The following DPP10 variants were observed in gnomAD, a reference collection of about 807,000 sequenced individuals.
The protein encoded by DPP10 is inactive dipeptidyl peptidase 10.
DPP10 carries 33 observed loss-of-function variants against 120.9 expected under a neutral mutation model. The ratio of observed to expected loss-of-function variants is 0.27; its 90% CI spans 0.21 to 0.37. The LOEUF (loss-of-function observed/expected upper bound fraction) is 0.37. Ranked by LOEUF, DPP10 falls within the 10% of genes least tolerant of loss-of-function variation. The pLI, the probability that DPP10 is intolerant of heterozygous loss-of-function variation, is 1.00. For missense variants in DPP10, 816 were observed against 942.8 expected (o/e 0.87, Z 1.76); for synonymous variants, 337 against 326.1 (o/e 1.03, Z -0.36).
At chr2:115,383,397 C>T (rs549276304) in intron 3 of DPP10, among the ~76,000 whole-genome samples, 35 of 152,308 alleles carry the variant, frequency 2.3e-4, no homozygotes, top group African/African-American at 7.5e-4. Context: ...TGAGTCCTCC[C>T]CAGCCATGTG....
intron 9 of DPP10, among the ~76,000 whole-genome samples, chr2:115,740,692 A>T (rs575559088): frequency 4.6e-4 from 70 of 152,232 alleles, no homozygotes; most frequent in African/African-American, 1.4e-3. Flanking sequence ...GGGTTGCAAA[A>T]ACATCTGGAT....
chr2:115,167,443 G>GA (rs2052973901), intron 1 of DPP10, among the ~76,000 whole-genome samples: 1 of 148,028 alleles, frequency 6.8e-6, no homozygotes, highest in Non-Finnish European at 1.5e-5. Context: ...AAAAAGAAAA[G>GA]AAAGAAAGAA....
At chr2:115,653,179 T>G (rs1238609384) in intron 5 of DPP10, among the ~76,000 whole-genome samples, 1 of 151,766 alleles carries the variant, frequency 6.6e-6, no homozygotes, top group African/African-American at 2.4e-5. Flanking sequence ...AGACAAAGTA[T>G]AAGAAGCATT....
chr2:114,560,250 G>A (rs1688661403), intron 1 of DPP10, among the ~76,000 whole-genome samples: 2 of 152,278 alleles, frequency 1.3e-5, no homozygotes, highest in East Asian at 1.9e-4. Flanking sequence ...GGGGCAGAGT[G>A]GAAGAGGAGA....
At chr2:115,235,963 TTA>T (rs2057982860) in intron 1 of DPP10, among the ~76,000 whole-genome samples, 9 of 152,154 alleles carry the variant, frequency 5.9e-5, no homozygotes, top group Non-Finnish European at 1.2e-4. Flanking sequence ...AACACTTAAA[TTA>T]CTCCCTAAGT....
intron 1 of DPP10, among the ~76,000 whole-genome samples, chr2:114,807,533 C>T (rs1386570421): frequency 1.3e-5 from 2 of 152,096 alleles, no homozygotes; most frequent in African/African-American, 4.8e-5. Context: ...ATGGTAATAA[C>T]TTCCTTATTT....
At chr2:114,643,952 T>TTGG (rs1695915426) in intron 1 of DPP10, among the ~76,000 whole-genome samples, 1 of 142,964 alleles carries the variant, frequency 7.0e-6, no homozygotes, top group African/African-American at 2.6e-5. Flanking sequence ...TTTTTTTTTT[T>TTGG]GAGACAGAGT....
chr2:115,416,012 C>G (rs1307421217), intron 3 of DPP10, among the ~76,000 whole-genome samples: 2 of 151,596 alleles, frequency 1.3e-5, no homozygotes, highest in African/African-American at 2.4e-5. Context: ...AATCAGTACA[C>G]AAATTTGAAA....
chr2:115,571,544 A>T (rs1575209397), intron 5 of DPP10, among the ~76,000 whole-genome samples: 1 of 152,168 alleles, frequency 6.6e-6, no homozygotes, highest in African/African-American at 2.4e-5. Context: ...CTTTAATCAG[A>T]GATGCAATGT....
chr2:115,438,766 G>A (rs1300482401), intron 3 of DPP10, among the ~76,000 whole-genome samples: 5 of 150,258 alleles, frequency 3.3e-5, no homozygotes, highest in African/African-American at 1.2e-4. Flanking sequence ...TGGCTAAGAT[G>A]GTCATGGAAG....
chr2:115,710,064 A>G (rs769493625), intron 7 of DPP10, among the ~76,000 whole-genome samples: 3 of 152,140 alleles, frequency 2.0e-5, no homozygotes, highest in African/African-American at 7.2e-5. Context: ...AGTAGGACCA[A>G]CATTAGAATG....
chr2:115,815,633 A>C, intron 20 of DPP10, 42 bp from the exon 21 acceptor site: 1 of 1,526,944 alleles, frequency 6.5e-7, no homozygotes, highest in Non-Finnish European at 8.9e-7. Context: ...ATTTGCATTT[A>C]ACTCACAAAG....
rs563264321 is a variant in DPP10 at position 114,664,467 on chromosome 2, A to G, written c.60+221629A>G. ...AACATGGTGAAACCCCGTCTCTACT[A>G]AAAATACAAAACTTAGCCGGGTGTG... On this transcript the variant is annotated intron_variant, in intron 1 of 25. Coordinates refer to ENST00000410059, the MANE Select transcript of DPP10 (RefSeq NM_020868.6). Among the ~76,000 whole-genome samples, 5 of 151,942 alleles carry G rather than the reference A, an allele frequency of 3.3e-5. No homozygotes were observed. In the South Asian group the frequency reaches 6.2e-4, roughly 19 times the overall value.
chr2:115,442,483 A>T (rs2072171689), intron 3 of DPP10, among the ~76,000 whole-genome samples: 1 of 152,002 alleles, frequency 6.6e-6, no homozygotes, highest in African/African-American at 2.4e-5. Context: ...GATTTTATTA[A>T]CAGTATTCAG....
chr2:115,276,106 A>G (rs746361041), intron 1 of DPP10, among the ~76,000 whole-genome samples: 8 of 152,162 alleles, frequency 5.3e-5, no homozygotes, highest in Non-Finnish European at 1.0e-4. Flanking sequence ...ATATGTGGAG[A>G]GAACAATTAT....
At chr2:114,776,138 G>A (rs936226721) in intron 1 of DPP10, among the ~76,000 whole-genome samples, 2 of 152,152 alleles carry the variant, frequency 1.3e-5, no homozygotes, top group Non-Finnish European at 1.5e-5. Context: ...TAAAAATAAA[G>A]AGACAAAGTG....
chr2:114,825,637 C>G (rs72832413), intron 1 of DPP10, among the ~76,000 whole-genome samples: 23,516 of 152,204 alleles, frequency 0.15, 1,845 homozygotes, highest in Non-Finnish European at 0.17. Context: ...TTCATTGAAG[C>G]ATTCTATGAA....
At chr2:114,786,259 C>G in intron 1 of DPP10, among the ~76,000 whole-genome samples, 1 of 152,086 alleles carries the variant, frequency 6.6e-6, no homozygotes. Context: ...TAAATATAAG[C>G]CTTCCTTTAA....
chr2:114,997,061 C>T (rs1444132623), intron 1 of DPP10, among the ~76,000 whole-genome samples: 3 of 150,924 alleles, frequency 2.0e-5, no homozygotes, highest in African/African-American at 7.3e-5. Flanking sequence ...GTAAAGTATG[C>T]CTCACTAGAT....
Sources: allele counts gnomAD v4.1 joint callset (sites outside exome capture counted in the v4.1 genomes callset), GRCh38; gene constraint gnomAD v4.1.1; transcripts MANE v1.5; gene names NCBI Gene and HGNC (gene_info 2026-07-23, HGNC 2026-07-21).